CLEC16A: variants seen among roughly 807,000 people sequenced by gnomAD.
CLEC16A encodes the protein C-type lectin domain containing 16A, also known as protein CLEC16A.
In CLEC16A, 51 loss-of-function variants were observed where a neutral mutation model predicts 109.5. The ratio of observed to expected loss-of-function variants is 0.47; its 90% CI spans 0.37 to 0.59. The LOEUF (loss-of-function observed/expected upper bound fraction) is 0.59. Ranked by LOEUF, CLEC16A falls within the 20% of genes least tolerant of loss-of-function variation. CLEC16A has a pLI of 0.00. For synonymous variants in CLEC16A, 673 were observed against 564.2 expected, an observed-to-expected ratio of 1.19 and a Z score of -2.73; for missense variants, 1,339 against 1,394.0, an observed-to-expected ratio of 0.96 and a Z score of 0.63.
intron 11 of CLEC16A, among the ~76,000 whole-genome samples, chr16:11,013,101 A>G (rs975566937): frequency 1.3e-5 from 2 of 152,182 alleles, no homozygotes; most frequent in Non-Finnish European, 2.9e-5. Context: ...GGAAACCAGA[A>G]TATGTGGCAA....
At chr16:11,036,404 G>T (rs2047021332) in intron 13 of CLEC16A, among the ~76,000 whole-genome samples, 1 of 152,112 alleles carries the variant, frequency 6.6e-6, no homozygotes, top group African/African-American at 2.4e-5. Context: ...GCAAACTCCT[G>T]TTCATCCTTT....
chr16:11,119,990 G>C (rs1323660321), intron 19 of CLEC16A, among the ~76,000 whole-genome samples: 5 of 106,982 alleles, frequency 4.7e-5, no homozygotes, highest in African/African-American at 2.0e-4. Context: ...TTTTGTTTGA[G>C]ACGGAGTTTT....
At chr16:11,097,798 T>C (rs1023314463) in intron 19 of CLEC16A, among the ~76,000 whole-genome samples, 5 of 152,254 alleles carry the variant, frequency 3.3e-5, no homozygotes. Flanking sequence ...TTGCTTTGTT[T>C]TTCAATTATC....
intron 5 of CLEC16A, 48 bp downstream of exon 5, chr16:10,971,278 G>A (rs1283774342): frequency 2.2e-6 from 3 of 1,362,836 alleles, no homozygotes; most frequent in Non-Finnish European, 3.1e-6. Flanking sequence ...TGACTTGGCA[G>A]CAAGCACTCA....
At chr16:11,010,718 C>G (rs940956592) in intron 11 of CLEC16A, among the ~76,000 whole-genome samples, 1 of 152,216 alleles carries the variant, frequency 6.6e-6, no homozygotes, top group African/African-American at 2.4e-5. Context: ...CTAATAATGT[C>G]TTTCTAGCAT....
chr16:11,156,917 G>GCCCCCCCCCCCACCCA (rs1442555206), intron 22 of CLEC16A, among the ~76,000 whole-genome samples: 1 of 77,306 alleles, frequency 1.3e-5, no homozygotes, highest in Non-Finnish European at 2.7e-5. Flanking sequence ...CCAAATGCCC[G>GCCCCCCCCCCCACCCA]CCCCCCCCCC....
intron 2 of CLEC16A, among the ~76,000 whole-genome samples, chr16:10,958,406 G>C (rs2042092766): frequency 6.6e-6 from 1 of 152,132 alleles, no homozygotes; most frequent in Admixed American, 6.5e-5. Context: ...GGTAAGCGGT[G>C]GAAAAGTGAC....
chr16:11,060,802 T>C, intron 18 of CLEC16A, 100 bp from the exon 19 acceptor site: 1 of 1,265,468 alleles, frequency 7.9e-7, no homozygotes, highest in Non-Finnish European at 1.0e-6. Context: ...GTTTCTTTCT[T>C]TTTTAATAGA....
At chr16:11,095,676 G>A (rs1298388647) in intron 19 of CLEC16A, among the ~76,000 whole-genome samples, 1 of 152,124 alleles carries the variant, frequency 6.6e-6, no homozygotes, top group Non-Finnish European at 1.5e-5. Context: ...GCTGGGCGTG[G>A]TGGCAGGCTC....
chr16:10,950,885 T>G (rs2041695729), intron 1 of CLEC16A, among the ~76,000 whole-genome samples: 1 of 152,224 alleles, frequency 6.6e-6, no homozygotes, highest in African/African-American at 2.4e-5. Flanking sequence ...TGCCCCACCT[T>G]GCAAATGTAC....
chr16:11,040,000 T>G, intron 14 of CLEC16A, 124 bp downstream of exon 14: 1 of 1,187,862 alleles, frequency 8.4e-7, no homozygotes, highest in Non-Finnish European at 1.1e-6. Flanking sequence ...TCCCAACCTC[T>G]CCCTCTGCCT....
chr16:11,076,046 C>T (rs2049354226), intron 19 of CLEC16A, among the ~76,000 whole-genome samples: 1 of 151,130 alleles, frequency 6.6e-6, no homozygotes, highest in Admixed American at 6.6e-5. Context: ...AGCTCCGTCT[C>T]ACTGCCTTTA....
intron 22 of CLEC16A, among the ~76,000 whole-genome samples, chr16:11,145,626 G>T (rs1248489944): frequency 1.3e-5 from 2 of 152,256 alleles, no homozygotes; most frequent in East Asian, 1.9e-4. Flanking sequence ...TAGAGCATAC[G>T]TTACCAAGTG....
intron 13 of CLEC16A, 137 bp from the exon 14 acceptor site, chr16:11,039,617 A>G (rs2047209357): frequency 8.9e-7 from 1 of 1,124,160 alleles, no homozygotes; most frequent in African/African-American, 1.6e-5. Flanking sequence ...AAAAAAAAGA[A>G]AAGAAAAAGG....
chr16:11,174,335 C>T lies in CLEC16A; in HGVS notation c.2807-4000C>T. ...ACGTCCACTCGCCACGCTGCATTTCCACAGTCGGCAGGGTCCGCGCTGGCA... is the reference window on the plus strand; with the variant it reads ...ACGTCCACTCGCCACGCTGCATTTCTACAGTCGGCAGGGTCCGCGCTGGCA... On this transcript the variant is annotated intron_variant, in intron 23 of 23. Transcript: ENST00000409790. This position sits in a 1 kb window ranked among gnomAD's most constrained non-coding sequence, Gnocchi z 4.7. The T allele has an allele frequency of 2.4e-6, 1 of 421,312 alleles. No homozygotes were observed. The highest frequency in any genetic ancestry group is 4.9e-6 in the Non-Finnish European group (1 of 202,104). 26.1% of individuals were successfully genotyped at this position (421,312 alleles called of 1,614,324 possible).
At chr16:11,059,333 A>G (rs959183523) in intron 18 of CLEC16A, among the ~76,000 whole-genome samples, 1 of 152,244 alleles carries the variant, frequency 6.6e-6, no homozygotes, top group Non-Finnish European at 1.5e-5. Flanking sequence ...CACCACCATC[A>G]TCATCATTAT....
intron 19 of CLEC16A, among the ~76,000 whole-genome samples, chr16:11,105,302 T>C (rs781172315): frequency 3.0e-4 from 45 of 152,324 alleles, no homozygotes; most frequent in Non-Finnish European, 4.6e-4. Flanking sequence ...CTGGTAATTG[T>C]GTTTTCACCA....
Position 11,020,296 on chromosome 16 carries a change from C to G in CLEC16A, c.1407C>G (p.Ala469=), listed in dbSNP as rs1446561079. The change falls in exon 12 of 24, where the codon GCC becomes GCG. Residue 469 remains alanine, a synonymous_variant. Transcript: ENST00000409790. Reference sequence around the variant, plus strand: ...CGGACGAGGAGAAAAGCGCCGCCGCCACCTGCTCTGAGAGCACGCAATGGA... The same window carrying G: ...CGGACGAGGAGAAAAGCGCCGCCGCGACCTGCTCTGAGAGCACGCAATGGA... ...NTTDEEKSAA[A]TCSESTQWSR... is the part of the protein sequence containing the mutation. 4 of 1,613,178 alleles carry G rather than the reference C, an allele frequency of 2.5e-6. No individual in the cohort carries two copies. The highest frequency in any genetic ancestry group is 1.7e-4 in the Middle Eastern group (1 of 6,056).
intron 15 of CLEC16A, 40 bp from the exon 16 acceptor site, chr16:11,043,988 T>C (rs1466448631): frequency 6.4e-7 from 1 of 1,563,550 alleles, no homozygotes; most frequent in South Asian, 1.2e-5. Flanking sequence ...CTCACCTATA[T>C]GAGACCTGCC....
Sources: allele counts gnomAD v4.1 joint callset (sites outside exome capture counted in the v4.1 genomes callset), GRCh38; gene constraint gnomAD v4.1.1; non-coding constraint Gnocchi (gnomAD v3.1); transcripts MANE v1.5; gene names NCBI Gene and HGNC (gene_info 2026-07-23, HGNC 2026-07-21).